UNG: variants seen among roughly 807,000 people sequenced by gnomAD.
UNG encodes uracil DNA glycosylase, also known as uracil-DNA glycosylase.
In UNG, 34 loss-of-function variants were observed where a neutral mutation model predicts 36.5. The ratio of observed to expected loss-of-function variants is 0.93; its 90% CI spans 0.71 to 1.24. UNG has a LOEUF of 1.24. Ranked by LOEUF, UNG falls within the 50% of genes most tolerant of loss-of-function variation. The pLI is 0.00. For missense variants in UNG, 391 were observed against 397.6 expected, an observed-to-expected ratio of 0.98 and a Z score of 0.14; for synonymous variants, 172 against 157.8, an observed-to-expected ratio of 1.09 and a Z score of -0.67.
intron 1 of UNG, 70 bp downstream of exon 1, chr12:109,097,881 G>A: frequency 6.9e-7 from 1 of 1,447,778 alleles, no homozygotes; most frequent in Non-Finnish European, 9.1e-7. Context: ...CCTGACGGAG[G>A]GCGTGCAGGA....
chr12:109,103,662 A>T lies in UNG; in HGVS notation c.801+51A>T. On this transcript the variant is annotated intron_variant, in intron 6 of 6. Coordinates refer to ENST00000242576, the MANE Select transcript of UNG (RefSeq NM_080911.3). Reference sequence around the variant, plus strand: ...TTCTTTTTTTTTTAACACTATAAAAACAATGTAAAGAATTCTAGGAGTCCC... The same window carrying T: ...TTCTTTTTTTTTTAACACTATAAAATCAATGTAAAGAATTCTAGGAGTCCC... 4 of 1,528,000 alleles carry T rather than the reference A, an allele frequency of 2.6e-6. No individual in the cohort carries two copies. The South Asian group carries it at 5.0e-5, about 19-fold the overall frequency. 94.7% of individuals were successfully genotyped at this position (1,528,000 alleles called of 1,614,324 possible).
intron 6 of UNG, among the ~76,000 whole-genome samples, chr12:109,104,009 T>G (rs2042198421): frequency 6.6e-6 from 1 of 152,128 alleles, no homozygotes; most frequent in Non-Finnish European, 1.5e-5. Flanking sequence ...CAAATTTAAC[T>G]TGCCCATGAA....
chr12:109,103,288 C>T (rs1478717172), intron 5 of UNG, 145 bp from the exon 6 acceptor site: 1 of 812,586 alleles, frequency 1.2e-6, no homozygotes, highest in Non-Finnish European at 2.1e-6. Flanking sequence ...TGGCTGCTGC[C>T]ATTATGCCGG....
intron 6 of UNG, among the ~76,000 whole-genome samples, chr12:109,109,252 GGCA>G (rs1193562349): frequency 2.0e-5 from 3 of 152,126 alleles, no homozygotes; most frequent in African/African-American, 7.2e-5. Flanking sequence ...GGAAATTGCT[GGCA>G]GTATGATAGG....
At chr12:109,100,529 CTT>C in intron 3 of UNG, among the ~76,000 whole-genome samples, 1 of 152,250 alleles carries the variant, frequency 6.6e-6, no homozygotes, top group African/African-American at 2.4e-5. Context: ...GAATCTAGCT[CTT>C]TGGTTTTGAA....
In UNG at chr12:109,109,781, A is replaced by AAAAAAAT. The variant is rs1555265461; in HGVS notation, c.802-48_802-47insAAAAAAT. The AAAAAAAT allele has an allele frequency of 7.3e-5, 115 of 1,577,324 alleles. No individual in the cohort carries two copies. In the African/African-American group the frequency reaches 7.5e-4, roughly 10 times the overall value. On this transcript the variant is annotated intron_variant, in intron 6 of 6. Transcript: ENST00000242576. ...TCTGTCTCAAAAAAAAAAAAAAAAA[A>AAAAAAAT]TTTAAAAAGTCCCAAATCTGCCACC...
At chr12:109,107,239 C>T (rs1230578711) in intron 6 of UNG, among the ~76,000 whole-genome samples, 2 of 152,078 alleles carry the variant, frequency 1.3e-5, no homozygotes, top group Non-Finnish European at 2.9e-5. Flanking sequence ...CTAGCTCTGT[C>T]ACCCAGGCTG....
At chr12:109,101,688 C>A (rs1042921888) in intron 3 of UNG, among the ~76,000 whole-genome samples, 2 of 152,096 alleles carry the variant, frequency 1.3e-5, no homozygotes, top group Non-Finnish European at 2.9e-5. Flanking sequence ...TCAGCCTGAG[C>A]AACACAGCAA....
chr12:109,107,926 C>T (rs2042230075), intron 6 of UNG, among the ~76,000 whole-genome samples: 1 of 152,030 alleles, frequency 6.6e-6, no homozygotes, highest in Non-Finnish European at 1.5e-5. Flanking sequence ...CAGAAAGGCA[C>T]AAAATGGAAA....
chr12:109,104,756 A>T (rs1191263654), intron 6 of UNG, among the ~76,000 whole-genome samples: 3 of 152,014 alleles, frequency 2.0e-5, no homozygotes, highest in African/African-American at 7.2e-5. Flanking sequence ...TGGGAGAGAC[A>T]TTGGGTGGGG....
intron 6 of UNG, among the ~76,000 whole-genome samples, chr12:109,106,621 G>A (rs1332409637): frequency 2.6e-5 from 4 of 151,376 alleles, no homozygotes; most frequent in Admixed American, 6.6e-5. Flanking sequence ...TATTCTGGCC[G>A]GGTGTGGTGG....
chr12:109,101,426 C>G (rs949104478), intron 3 of UNG, among the ~76,000 whole-genome samples: 2 of 151,400 alleles, frequency 1.3e-5, no homozygotes, highest in Non-Finnish European at 2.9e-5. Context: ...TAACTGGGGG[C>G]TAGGCACAGT....
intron 6 of UNG, among the ~76,000 whole-genome samples, chr12:109,108,990 T>C (rs2042239353): frequency 6.6e-6 from 1 of 152,214 alleles, no homozygotes; most frequent in East Asian, 1.9e-4. Context: ...TACTAAACAC[T>C]TCATTGTAAA....
At chr12:109,097,991 G>T in intron 1 of UNG, 180 bp downstream of exon 1, 1 of 1,260,930 alleles carries the variant, frequency 7.9e-7, no homozygotes, top group Non-Finnish European at 1.0e-6. Flanking sequence ...ATGCTAAAGG[G>T]CCAGCCAATG....
At chr12:109,099,373 A>C (rs1276059571) in intron 3 of UNG, 89 bp downstream of exon 3, 2 of 1,089,736 alleles carry the variant, frequency 1.8e-6, no homozygotes, top group Non-Finnish European at 2.8e-6. Context: ...GCCACAGTCC[A>C]TCATTCAGTA....
At chr12:109,109,790 G>C in intron 6 of UNG, 39 bp from the exon 7 acceptor site, 8 of 1,535,724 alleles carry the variant, frequency 5.2e-6, no homozygotes, top group Non-Finnish European at 7.0e-6. Context: ...AATTTAAAAA[G>C]TCCCAAATCT....
At position 109,110,982 on chromosome 12, in the gene UNG, T is replaced by C; in HGVS notation, c.*1013T>C. 6.6e-6 allele frequency: 1 copy of C among 152,178 alleles called. No homozygotes were observed. The highest frequency in any genetic ancestry group is 2.1e-4 in the South Asian group (1 of 4,818). The allele number at this position is 152,178 out of a possible 1,614,324, so 9.4% of individuals were successfully genotyped here. ...TACGCGAGGTTTGTTAATAAAAGTT[T>C]GTTAAAAGTTTGTTTTGTGCAAGTG... On this transcript the variant is annotated 3_prime_UTR_variant, in exon 7 of 7. Coordinates refer to ENST00000242576, the MANE Select transcript of UNG (RefSeq NM_080911.3).
At chr12:109,105,415 T>C (rs1459522364) in intron 6 of UNG, among the ~76,000 whole-genome samples, 1 of 152,212 alleles carries the variant, frequency 6.6e-6, no homozygotes, top group Admixed American at 6.5e-5. Context: ...TCTTCCGCAG[T>C]ATATTGGTAA....
chr12:109,101,106 CTTTTTTTTTTTTTT>C lies in UNG; in HGVS notation c.436-780_436-767del, dbSNP rs71079522. ...TGCTGCTGGTGGGAAATCTGAATTGCTTTTTTTTTTTTTTTTTTTTTTTTTTTTTGAGATGGAGT... is the reference window on the plus strand; with the variant it reads ...TGCTGCTGGTGGGAAATCTGAATTGCTTTTTTTTTTTTTTTGAGATGGAGT... On this transcript the variant is annotated intron_variant, in intron 3 of 6. Transcript: ENST00000242576. 1.2e-3 allele frequency among the ~76,000 whole-genome samples: 64 copies of C among 53,670 alleles called. 1 individual carries two copies. The highest frequency in any genetic ancestry group is 1.8e-3 in the Non-Finnish European group (56 of 30,732). 35.2% of individuals were successfully genotyped at this position (53,670 alleles called of 152,430 possible).
Sources: allele counts gnomAD v4.1 joint callset (sites outside exome capture counted in the v4.1 genomes callset), GRCh38; gene constraint gnomAD v4.1.1; transcripts MANE v1.5; gene names NCBI Gene and HGNC (gene_info 2026-07-23, HGNC 2026-07-21).